The following EDC4 variants were observed in gnomAD, a reference collection of about 807,000 sequenced individuals.
EDC4 encodes the protein enhancer of mRNA decapping 4.
In EDC4, 64 loss-of-function variants were observed where a neutral mutation model predicts 155.8. That is an observed-to-expected ratio of 0.41 (90% confidence interval 0.34 to 0.51). The LOEUF (loss-of-function observed/expected upper bound fraction) is 0.51. Among genes scored for constraint, EDC4 ranks in the 20% least tolerant of loss-of-function variants. EDC4 has a pLI of 0.19. For missense variants in EDC4, 1,303 were observed against 1,812.5 expected (o/e 0.72, Z 5.10); for synonymous variants, 684 against 716.8 (o/e 0.95, Z 0.73).
chr16:67,874,371 C>G (rs1402899691), intron 1 of EDC4, among the ~76,000 whole-genome samples: 1 of 152,202 alleles, frequency 6.6e-6, no homozygotes, highest in Non-Finnish European at 1.5e-5. Context: ...GAAGCAGGCA[C>G]TGGTGCTCAC....
rs1260566514 is a variant in EDC4, at chr16:67,880,907, C to T, written c.2448C>T (p.Thr816=). The change falls in exon 18 of 29, where the codon ACC becomes ACT. Residue 816 remains threonine, a synonymous_variant. Transcript: ENST00000358933. The surrounding 1 kb of genome is among the most constrained non-coding windows in gnomAD (Gnocchi z 5.2). ...NTPSLLEAAL[T]QEASTPDSQV... is the part of the protein sequence containing the mutation. ...CCTCCCTCCTGGAGGCAGCCTTGAC[C>T]CAGGAGGCCTCGACTCCTGACAGTC... The T allele has an allele frequency of 6.2e-7, 1 of 1,614,004 alleles. No homozygotes were observed. Among genetic ancestry groups the T allele is most frequent in the African/African-American group, 1.3e-5 (1 of 75,040 alleles).
At position 67,879,860 on chromosome 16, in the gene EDC4, C is replaced by G. The variant is rs2058057510; in HGVS notation, c.1832C>G (p.Ser611Cys). The change falls in exon 16 of 29, where the codon TCT becomes TGT. Residue 611 changes from serine (S) to cysteine (C), a missense_variant. Coordinates refer to ENST00000358933, the MANE Select transcript of EDC4 (RefSeq NM_014329.5). This position sits in a 1 kb window ranked among gnomAD's most constrained non-coding sequence, Gnocchi z 6.0. The part of the protein sequence containing the change: ...PSASLQQITA[S>C]PSSSSSGSSS... ...CCTGCATCTCCCCAGATCACTGCCTCTCCCAGCAGCAGCAGCAGCGGTAGC... is the reference window on the plus strand; with the variant it reads ...CCTGCATCTCCCCAGATCACTGCCTGTCCCAGCAGCAGCAGCAGCGGTAGC... 1 of 1,613,634 alleles carries G rather than the reference C, an allele frequency of 6.2e-7. No homozygotes were observed. The highest frequency in any genetic ancestry group is 8.5e-7 in the Non-Finnish European group (1 of 1,179,872).
At chr16:67,873,672 A>G (rs1479204472) in intron 1 of EDC4, among the ~76,000 whole-genome samples, 1 of 151,624 alleles carries the variant, frequency 6.6e-6, no homozygotes, top group East Asian at 1.9e-4. Flanking sequence ...CCCTTTCTCC[A>G]TGGTTCAGAG....
In EDC4 at chr16:67,878,316, C is replaced by T. The variant is rs775454917; in HGVS notation, c.1004+41C>T. 1.2e-6 allele frequency: 2 copies of T among 1,614,202 alleles called. No homozygotes were observed. The highest frequency in any genetic ancestry group is 1.7e-6 in the Non-Finnish European group (2 of 1,180,042). On this transcript the variant is annotated intron_variant, in intron 8 of 28. Coordinates refer to ENST00000358933, the MANE Select transcript of EDC4 (RefSeq NM_014329.5). The surrounding 1 kb of genome is among the most constrained non-coding windows in gnomAD (Gnocchi z 5.2). The stretch of plus-strand genomic sequence containing the variant: ...AGGGACCAGGATCCTCCCGAGGTAG[C>T]CCACCCGACCACTCACTCAGGCCCC...
rs529630604 is a variant in EDC4 at position 67,879,408 on chromosome 16, G to T, written c.1542-4G>T. On this transcript the variant is annotated splice_region_variant and splice_polypyrimidine_tract_variant and intron_variant, in intron 13 of 28. Transcript: ENST00000358933. The surrounding 1 kb of genome is among the most constrained non-coding windows in gnomAD (Gnocchi z 6.0). Reference sequence around the variant, plus strand: ...ACTTTATTCTCCCCCTTCTTTTCCTGCAGGGCACTGCAAGATGTGCAGATC... The same window carrying T: ...ACTTTATTCTCCCCCTTCTTTTCCTTCAGGGCACTGCAAGATGTGCAGATC... 5 of 1,614,104 alleles carry T rather than the reference G, an allele frequency of 3.1e-6. No homozygotes were observed. The highest frequency in any genetic ancestry group is 1.6e-4 in the Middle Eastern group (1 of 6,062).
rs773574970 is a variant in EDC4 at position 67,880,776 on chromosome 16, G to A, written c.2317G>A (p.Ala773Thr). The change falls in exon 18 of 29, where the codon GCC becomes ACC. Residue 773 changes from alanine (A) to threonine (T), a missense_variant. This residue lies in a region of EDC4 where 391 missense variants were observed against 445.4 expected (regional missense o/e 0.88). Coordinates refer to ENST00000358933, the MANE Select transcript of EDC4 (RefSeq NM_014329.5). This position sits in a 1 kb window ranked among gnomAD's most constrained non-coding sequence, Gnocchi z 5.2. ...GLEPDSMASAASALHLLSPRP... is the reference protein window; with the variant it reads ...GLEPDSMASATSALHLLSPRP... ...TGAGCCAGACAGTATGGCTTCAGCC[G>A]CCTCGGCACTGCACCTGCTGTCCCC... 1.7e-5 allele frequency: 27 copies of A among 1,613,918 alleles called. No homozygotes were observed. Among genetic ancestry groups the A allele is most frequent in the Admixed American group, 3.3e-5 (2 of 60,014 alleles).
Position 67,876,589 on chromosome 16 carries a change from G to T in EDC4, c.341G>T (p.Gly114Val). The T allele has an allele frequency of 6.2e-7, 1 of 1,614,096 alleles. No individual in the cohort carries two copies. The highest frequency in any genetic ancestry group is 8.5e-7 in the Non-Finnish European group (1 of 1,180,002). The part of the protein sequence containing the change: ...SDSSISSKAR[G>V]SNKVKIQPVA... ...TCTAGCATTTCAAGCAAGGCCCGGGGAAGCAACAAGGTAGGTACTGGGATG... is the reference window on the plus strand; with the variant it reads ...TCTAGCATTTCAAGCAAGGCCCGGGTAAGCAACAAGGTAGGTACTGGGATG... The change falls in exon 3 of 29, where the codon GGA becomes GTA. Residue 114 changes from glycine to valine, a missense_variant. Physicochemically the swap from Gly to Val is moderately radical, Grantham distance 109. This residue lies in a region of EDC4 where 51 missense variants were observed against 121.1 expected (regional missense o/e 0.42). Coordinates refer to ENST00000358933, the MANE Select transcript of EDC4 (RefSeq NM_014329.5). The surrounding 1 kb of genome is among the most constrained non-coding windows in gnomAD (Gnocchi z 5.8).
chr16:67,880,296 C>A lies in EDC4; in HGVS notation c.2097+80C>A, dbSNP rs981795599. On this transcript the variant is annotated intron_variant, in intron 17 of 28. Transcript: ENST00000358933. The surrounding 1 kb of genome is among the most constrained non-coding windows in gnomAD (Gnocchi z 5.2). ...AAGGTGGGTGGTGGGCTCCTCCCAG[C>A]CCCCTGCTGCTGATCCTGCTCTACC... The A allele has an allele frequency of 6.6e-7, 1 of 1,507,588 alleles. No individual in the cohort carries two copies. The highest frequency in any genetic ancestry group is 2.1e-5 in the Admixed American group (1 of 48,720). 93.4% of individuals were successfully genotyped at this position (1,507,588 alleles called of 1,614,324 possible).
Position 67,876,109 on chromosome 16 carries a change from C to T in EDC4, c.239+8C>T. On this transcript the variant is annotated splice_region_variant and intron_variant, in intron 2 of 28. Coordinates refer to ENST00000358933, the MANE Select transcript of EDC4 (RefSeq NM_014329.5). This position sits in a 1 kb window ranked among gnomAD's most constrained non-coding sequence, Gnocchi z 5.8. ...GCAAGAGAAGCAGGTCATGTGAGTA[C>T]CTAGGAGACGACAATAGTGGTGATG... The T allele has an allele frequency of 6.2e-7, 1 of 1,613,480 alleles. No homozygotes were observed. Among genetic ancestry groups the T allele is most frequent in the Non-Finnish European group, 8.5e-7 (1 of 1,179,518 alleles).
In EDC4 at chr16:67,884,023, G is replaced by A. The variant is rs755103428; in HGVS notation, c.4081G>A (p.Val1361Ile). ...CATCACTCGGGACCACATGGGCTCC[G>A]TTATGGCCCAGGTGCGCCAAAAGCT... ...DPITRDHMGS[V>I]MAQVRQKLFQ... Residue 1361 changes from valine to isoleucine, a missense_variant, in exon 29 of 29, where the codon GTT (valine) becomes ATT (isoleucine). Transcript: ENST00000358933. This position sits in a 1 kb window ranked among gnomAD's most constrained non-coding sequence, Gnocchi z 4.1. 16 of 1,613,996 alleles carry A rather than the reference G, an allele frequency of 9.9e-6. No individual in the cohort carries two copies. The highest frequency in any genetic ancestry group is 2.2e-5 in the East Asian group (1 of 44,902).
In EDC4 at chr16:67,884,395, G is replaced by A. The variant is rs2058084293; in HGVS notation, c.*247G>A. ...GCCTGGAGCATGACCCTGAGATCGT[G>A]ACACCACTTGAGTGGAATTTTCCAT... is the stretch of plus-strand genomic sequence containing the variant. On this transcript the variant is annotated 3_prime_UTR_variant, in exon 29 of 29. Coordinates refer to ENST00000358933, the MANE Select transcript of EDC4 (RefSeq NM_014329.5). This position sits in a 1 kb window ranked among gnomAD's most constrained non-coding sequence, Gnocchi z 4.1. 1.8e-6 allele frequency: 1 copy of A among 549,294 alleles called. No homozygotes were observed. Among genetic ancestry groups the A allele is most frequent in the Non-Finnish European group, 3.2e-6 (1 of 313,246 alleles). 34.0% of individuals were successfully genotyped at this position (549,294 alleles called of 1,614,324 possible).
chr16:67,874,864 T>C (rs1178029534), intron 1 of EDC4, among the ~76,000 whole-genome samples: 1 of 152,114 alleles, frequency 6.6e-6, no homozygotes, highest in Non-Finnish European at 1.5e-5. Context: ...GGTGGATTGC[T>C]TGAGGCCAGG....
Position 67,880,271 on chromosome 16 carries a change from A to T in EDC4, c.2097+55A>T, listed in dbSNP as rs1369561644. On this transcript the variant is annotated intron_variant, in intron 17 of 28. Transcript: ENST00000358933. The surrounding 1 kb of genome is among the most constrained non-coding windows in gnomAD (Gnocchi z 5.2). ...GGGGAGCAGGTGGGCAGCAGCAGGGAAGGTGGGTGGTGGGCTCCTCCCAGC... is the reference window on the plus strand; with the variant it reads ...GGGGAGCAGGTGGGCAGCAGCAGGGTAGGTGGGTGGTGGGCTCCTCCCAGC... 3.9e-6 allele frequency: 6 copies of T among 1,541,964 alleles called. No individual in the cohort carries two copies. Among genetic ancestry groups the T allele is most frequent in the Non-Finnish European group, 4.4e-6 (5 of 1,146,878 alleles).
At position 67,881,297 on chromosome 16, in the gene EDC4, C is replaced by G; in HGVS notation, c.2669C>G (p.Ser890Cys). The change falls in exon 20 of 29, where the codon TCT becomes TGT. Residue 890 changes from serine to cysteine, a missense_variant. By Grantham distance (112) the Ser-to-Cys change is moderately radical. Coordinates refer to ENST00000358933, the MANE Select transcript of EDC4 (RefSeq NM_014329.5). The surrounding 1 kb of genome is among the most constrained non-coding windows in gnomAD (Gnocchi z 5.4). ...GATGATGAGGTGGCCAGCCTTGCCT[C>G]TGCTTCAGGAGGCTTTGGCACCAAA... The part of the protein sequence containing the change: ...DHDDEVASLA[S>C]ASGGFGTKVP... 6.2e-7 allele frequency: 1 copy of G among 1,614,150 alleles called. No individual in the cohort carries two copies. The highest frequency in any genetic ancestry group is 8.5e-7 in the Non-Finnish European group (1 of 1,180,038).
Position 67,883,595 on chromosome 16 carries a change from G to T in EDC4, c.3877G>T (p.Val1293Leu), listed in dbSNP as rs1438203993. The T allele has an allele frequency of 1.2e-6, 2 of 1,614,044 alleles. No individual in the cohort carries two copies. The highest frequency in any genetic ancestry group is 1.7e-6 in the Non-Finnish European group (2 of 1,180,016). The change falls in exon 28 of 29, where the codon GTG becomes TTG. Residue 1293 changes from valine (V) to leucine (L), a missense_variant. Coordinates refer to ENST00000358933, the MANE Select transcript of EDC4 (RefSeq NM_014329.5). This position sits in a 1 kb window ranked among gnomAD's most constrained non-coding sequence, Gnocchi z 5.3. ...GCTGACAGCTGCTGACCTGAACCTG[G>T]TGCTGTATGTGTGTGAAACTGTGGA... ...QALTAADLNL[V>L]LYVCETVDPA... is the part of the protein sequence containing the mutation.
rs2151305946 is a variant in EDC4 at position 67,881,600 on chromosome 16, C to T, written c.2826+67C>T. 2 of 1,612,636 alleles carry T rather than the reference C, an allele frequency of 1.2e-6. No individual in the cohort carries two copies. Among genetic ancestry groups the T allele is most frequent in the Non-Finnish European group, 1.7e-6 (2 of 1,179,256 alleles). On this transcript the variant is annotated intron_variant, in intron 21 of 28. Transcript: ENST00000358933. This position sits in a 1 kb window ranked among gnomAD's most constrained non-coding sequence, Gnocchi z 5.4. ...TGGGCGGGTGGAGAAGGGCTCTGGG[C>T]CATTCCCTGGTCTGGTGTGTGGGAA...
Position 67,882,720 on chromosome 16 carries a change from C to G in EDC4, c.3484C>G (p.Arg1162Gly), listed in dbSNP as rs371564827. Residue 1162 changes from arginine (R) to glycine (G), a missense_variant, in exon 26 of 29, where the codon CGG becomes GGG. Physicochemically the swap from Arg to Gly is moderately radical, Grantham distance 125. Around this residue, in one of 5 missense-constraint regions of EDC4, gnomAD observed 527 missense variants for 757.0 expected, o/e 0.70. Transcript: ENST00000358933. This position sits in a 1 kb window ranked among gnomAD's most constrained non-coding sequence, Gnocchi z 7.2. The stretch of plus-strand genomic sequence containing the variant: ...AAGCCACATGAAGAGCCGGAAGGCA[C>G]GGGAACAGGAGGCCAGGGAGCCTGT... ...LESHMKSRKA[R>G]EQEAREPVLA... is the part of the protein sequence containing the mutation. The G allele has an allele frequency of 6.2e-7, 1 of 1,614,126 alleles. No homozygotes were observed. Among genetic ancestry groups the G allele is most frequent in the African/African-American group, 1.3e-5 (1 of 74,930 alleles).
rs1349082879 is a variant in EDC4 at position 67,878,094 on chromosome 16, C to T, written c.895-72C>T. 13 of 1,598,474 alleles carry T rather than the reference C, an allele frequency of 8.1e-6. No homozygotes were observed. The Admixed American group carries it at 1.9e-4, about 23-fold the overall frequency. ...CCAGTCCCACCGTGAGTCAGCCCAG[C>T]TCATTGCCATCCTCACTTGGGAGGG... On this transcript the variant is annotated intron_variant, in intron 7 of 28. Coordinates refer to ENST00000358933, the MANE Select transcript of EDC4 (RefSeq NM_014329.5). The surrounding 1 kb of genome is among the most constrained non-coding windows in gnomAD (Gnocchi z 5.2).
Position 67,882,538 on chromosome 16 carries a change from G to C in EDC4, c.3386G>C (p.Ser1129Thr). ...GTGGTGCTGCCGGCCTTTGAGAAGA[G>C]CTGCCAGGCCATGTTCCAGCAAATC... Reference protein sequence around the residue: ...QSVVLPAFEKSCQAMFQQIND... With the variant: ...QSVVLPAFEKTCQAMFQQIND... Residue 1129 changes from serine to threonine, a missense_variant, in exon 25 of 29, where the codon AGC becomes ACC. Coordinates refer to ENST00000358933, the MANE Select transcript of EDC4 (RefSeq NM_014329.5). This position sits in a 1 kb window ranked among gnomAD's most constrained non-coding sequence, Gnocchi z 7.2. 1 of 1,614,232 alleles carries C rather than the reference G, an allele frequency of 6.2e-7. No individual in the cohort carries two copies. The highest frequency in any genetic ancestry group is 8.5e-7 in the Non-Finnish European group (1 of 1,180,036).
Sources: gnomAD v4.1 joint callset for allele counts (sites outside exome capture counted in the v4.1 genomes callset) on GRCh38, gnomAD v4.1.1 for gene constraint, gnomAD v4.1.1 regional missense constraint, Gnocchi (gnomAD v3.1) non-coding constraint, MANE v1.5 for transcripts, NCBI Gene and HGNC (gene_info 2026-07-23, HGNC 2026-07-21) for gene names.